Variants in SLC12A1 observed in about 807,000 individuals in gnomAD.
The protein encoded by SLC12A1 is Na-K-2Cl cotransporter.
Under a neutral mutation model 130.4 loss-of-function variants are expected in SLC12A1, and 89 were observed. That is an observed-to-expected ratio of 0.68 (90% CI 0.58 to 0.81). The LOEUF is 0.81. SLC12A1 is among the 40% of genes least tolerant of loss of function. The probability of loss-of-function intolerance (pLI) is 0.00; values close to 1 mark genes in which losing one functional copy is unlikely to be tolerated. For missense variants in SLC12A1, 1,310 were observed against 1,336.4 expected (o/e 0.98, Z 0.31); for synonymous variants, 499 against 460.0 (o/e 1.08, Z -1.09).
chr15:48,219,668 G>T (rs1170197353), intron 2 of SLC12A1, among the ~76,000 whole-genome samples: 2 of 152,022 alleles, frequency 1.3e-5, no homozygotes, highest in Non-Finnish European at 2.9e-5. Context: ...AGGAAAGAAA[G>T]AAAGACAGAA....
intron 20 of SLC12A1, among the ~76,000 whole-genome samples, chr15:48,284,820 G>A (rs985197817): frequency 6.6e-6 from 1 of 151,926 alleles, no homozygotes; most frequent in Non-Finnish European, 1.5e-5. Context: ...TCATAGAGAT[G>A]GAGTTTCACC....
intron 24 of SLC12A1, among the ~76,000 whole-genome samples, chr15:48,297,152 A>G (rs1027036978): frequency 1.3e-5 from 2 of 152,140 alleles, no homozygotes; most frequent in Non-Finnish European, 2.9e-5. Flanking sequence ...AAAATCATCT[A>G]TCAAAGTTGA....
intron 20 of SLC12A1, among the ~76,000 whole-genome samples, chr15:48,284,529 C>A (rs1267312987): frequency 6.6e-6 from 1 of 152,204 alleles, no homozygotes; most frequent in African/African-American, 2.4e-5. Flanking sequence ...GCCTCTCTTG[C>A]CCTCACAAAT....
chr15:48,274,399 G>A (rs769841948), intron 19 of SLC12A1, among the ~76,000 whole-genome samples, 172 bp from the exon 20 acceptor site: 6 of 152,126 alleles, frequency 3.9e-5, no homozygotes, highest in Non-Finnish European at 5.9e-5. Flanking sequence ...CTTTAAAAAC[G>A]CATAGGGGAA....
At chr15:48,220,308 G>A (rs1262949623) in intron 2 of SLC12A1, among the ~76,000 whole-genome samples, 2 of 151,884 alleles carry the variant, frequency 1.3e-5, no homozygotes, top group East Asian at 1.9e-4. Flanking sequence ...TCCCTTCCTT[G>A]TAGCCCTTCT....
At chr15:48,293,577 T>C (rs889350264) in intron 24 of SLC12A1, among the ~76,000 whole-genome samples, 4 of 152,208 alleles carry the variant, frequency 2.6e-5, no homozygotes, top group Non-Finnish European at 5.9e-5. Flanking sequence ...TTTTCCAGGC[T>C]TCTTGCCTCT....
intron 24 of SLC12A1, among the ~76,000 whole-genome samples, chr15:48,295,125 G>T (rs2042164321): frequency 6.7e-6 from 1 of 150,052 alleles, no homozygotes; most frequent in Non-Finnish European, 1.5e-5. Context: ...GCCCTGACTG[G>T]TCTCAAACCC....
At chr15:48,294,323 G>T (rs2042151197) in intron 24 of SLC12A1, among the ~76,000 whole-genome samples, 1 of 148,262 alleles carries the variant, frequency 6.7e-6, no homozygotes, top group African/African-American at 2.5e-5. Context: ...ACCTCAGCCT[G>T]GGCGACAGAG....
chr15:48,236,689 C>A (rs1333309055), intron 9 of SLC12A1, among the ~76,000 whole-genome samples: 1 of 152,036 alleles, frequency 6.6e-6, no homozygotes, highest in Non-Finnish European at 1.5e-5. Flanking sequence ...GGTAAATTCT[C>A]CAGCAGAAAT....
At chr15:48,269,610 T>C (rs768735920) in intron 18 of SLC12A1, 48 bp from the exon 19 acceptor site, 1 of 960,110 alleles carries the variant, frequency 1.0e-6, no homozygotes. Context: ...GTGATGGTAG[T>C]TTCCCAGTAC....
At chr15:48,274,820 A>G (rs1380110177) in intron 20 of SLC12A1, among the ~76,000 whole-genome samples, 167 bp downstream of exon 20, 1 of 152,214 alleles carries the variant, frequency 6.6e-6, no homozygotes, top group Non-Finnish European at 1.5e-5. Flanking sequence ...ATTTTCTTCA[A>G]TGCTAAGACA....
chr15:48,298,352 G>C (rs965488247), intron 24 of SLC12A1, among the ~76,000 whole-genome samples: 2 of 151,960 alleles, frequency 1.3e-5, no homozygotes, highest in African/African-American at 4.8e-5. Flanking sequence ...AATCTTATGA[G>C]GTTCTTATAA....
intron 5 of SLC12A1, chr15:48,227,026 T>A: frequency 8.5e-7 from 1 of 1,182,264 alleles, no homozygotes; most frequent in Non-Finnish European, 1.2e-6. Context: ...CCTGAAGTAC[T>A]GGTGACTTCT....
intron 13 of SLC12A1, among the ~76,000 whole-genome samples, chr15:48,247,969 G>C (rs1261895176): frequency 2.0e-5 from 3 of 152,206 alleles, no homozygotes; most frequent in Non-Finnish European, 4.4e-5. Flanking sequence ...TAGACCACTG[G>C]CATTTGAGAA....
chr15:48,232,029 A>T (rs1243907060), intron 7 of SLC12A1, among the ~76,000 whole-genome samples: 1 of 152,324 alleles, frequency 6.6e-6, no homozygotes, highest in South Asian at 2.1e-4. Flanking sequence ...AAAATAAAAT[A>T]AAAAAACATA....
Position 48,229,182 on chromosome 15 carries a change from G to C in SLC12A1, c.725-7G>C. On this transcript the variant is annotated splice_region_variant and splice_polypyrimidine_tract_variant and intron_variant, in intron 5 of 26. Transcript: ENST00000380993. ...TCAATGTGAAGTATGTTCATTTCTT[G>C]TTTCAGGTGGGGCCTACTATCTTAT... 11 of 1,582,368 alleles carry C rather than the reference G, an allele frequency of 7.0e-6. No individual in the cohort carries two copies. Among genetic ancestry groups the C allele is most frequent in the Non-Finnish European group, 9.5e-6 (11 of 1,162,942 alleles).
intron 13 of SLC12A1, among the ~76,000 whole-genome samples, chr15:48,248,123 CAGAGGA>C (rs1288078629): frequency 6.6e-6 from 1 of 152,158 alleles, no homozygotes; most frequent in African/African-American, 2.4e-5. Context: ...ATGAGCATAT[CAGAGGA>C]AAAGAAGCAG....
At chr15:48,247,114 T>A (rs772080357) in intron 12 of SLC12A1, 98 bp downstream of exon 12, 6 of 1,110,352 alleles carry the variant, frequency 5.4e-6, no homozygotes, top group Non-Finnish European at 8.1e-6. Flanking sequence ...TCATTTTCCA[T>A]CATTTTCTGA....
In SLC12A1 at chr15:48,244,847, T is replaced by C. The variant is rs2041559566; in HGVS notation, c.1395T>C (p.Tyr465=). ...GTTCAGCAGCATGTGGGTTGGGCTA[T>C]GACTTCTCAAGATGTCGACATGAAC... The part of the protein sequence containing the change: ...CNGSAACGLG[Y]DFSRCRHEPC... Residue 465 remains tyrosine, a synonymous_variant, in exon 11 of 27, where the codon TAT becomes TAC. Transcript: ENST00000380993. 1.9e-6 allele frequency: 3 copies of C among 1,613,916 alleles called. No individual in the cohort carries two copies. The highest frequency in any genetic ancestry group is 2.2e-5 in the East Asian group (1 of 44,896).
Sources: gnomAD v4.1 joint callset for allele counts (sites outside exome capture counted in the v4.1 genomes callset) on GRCh38, gnomAD v4.1.1 for gene constraint, MANE v1.5 for transcripts, NCBI Gene and HGNC (gene_info 2026-07-23, HGNC 2026-07-21) for gene names.